NELL1: variants seen among roughly 807,000 people sequenced by gnomAD.
NELL1 encodes neural EGFL like 1.
NELL1 carries 76 observed loss-of-function variants against 107.4 expected under a neutral mutation model. The observed-to-expected ratio is 0.71, with a 90% CI of 0.59 to 0.86. The LOEUF (loss-of-function observed/expected upper bound fraction) is 0.86. NELL1 is among the 40% of genes least tolerant of loss of function. The pLI, the probability that NELL1 is intolerant of heterozygous loss-of-function variation, is 0.00. For missense variants in NELL1, 1,024 were observed against 1,005.5 expected (o/e 1.02, Z -0.25); for synonymous variants, 353 against 341.2 (o/e 1.03, Z -0.38).
At chr11:20,776,968 T>A (rs7928218) in intron 2 of NELL1, among the ~76,000 whole-genome samples, 149,983 of 152,330 alleles carry the variant, frequency 0.98, 73,876 homozygotes, top group East Asian at 1. Flanking sequence ...CTCATAAGGG[T>A]TGTACAAATA....
At chr11:21,337,945 T>G (rs920841194) in intron 14 of NELL1, among the ~76,000 whole-genome samples, 2 of 151,430 alleles carry the variant, frequency 1.3e-5, no homozygotes, top group Non-Finnish European at 1.5e-5. Context: ...ATTTAACAAA[T>G]TATACATCTA....
chr11:20,861,100 GT>G (rs1289099535), intron 4 of NELL1, among the ~76,000 whole-genome samples: 2 of 152,082 alleles, frequency 1.3e-5, no homozygotes, highest in Non-Finnish European at 2.9e-5. Flanking sequence ...CAATGGATGT[GT>G]TTTTCTTTAA....
At chr11:20,687,949 A>T (rs1442356796) in intron 2 of NELL1, among the ~76,000 whole-genome samples, 2 of 152,116 alleles carry the variant, frequency 1.3e-5, no homozygotes, top group African/African-American at 4.8e-5. Context: ...ATTTGTTTTA[A>T]CTAAGTAGTC....
chr11:20,989,519 C>A lies in NELL1; in HGVS notation c.1300+28959C>A, dbSNP rs1046151336. Among the ~76,000 whole-genome samples, 3 of 152,260 alleles carry A rather than the reference C, an allele frequency of 2.0e-5. No individual in the cohort carries two copies. In the South Asian group the frequency reaches 6.2e-4, roughly 32 times the overall value. On this transcript the variant is annotated intron_variant, in intron 12 of 19. Coordinates refer to ENST00000357134, the MANE Select transcript of NELL1 (RefSeq NM_006157.5). ...CTTGACTTTGATTTTCTTTTCAGGTCTTGACCTCATTTCATACTTGACAGC... is the reference window on the plus strand; with the variant it reads ...CTTGACTTTGATTTTCTTTTCAGGTATTGACCTCATTTCATACTTGACAGC...
chr11:21,340,833 A>G (rs1850547742), intron 14 of NELL1, among the ~76,000 whole-genome samples: 1 of 152,158 alleles, frequency 6.6e-6, no homozygotes, highest in South Asian at 2.1e-4. Flanking sequence ...TGACACCTTG[A>G]TCTTAGACTT....
chr11:21,006,399 T>C (rs1852328758), intron 12 of NELL1, among the ~76,000 whole-genome samples: 2 of 152,160 alleles, frequency 1.3e-5, no homozygotes, highest in South Asian at 4.1e-4. Context: ...CTTGGACTTT[T>C]CAGACTCTAG....
intron 5 of NELL1, among the ~76,000 whole-genome samples, chr11:20,905,542 G>A (rs1471488169): frequency 6.6e-6 from 1 of 151,968 alleles, no homozygotes; most frequent in Non-Finnish European, 1.5e-5. Context: ...AATAAGTCAC[G>A]AAAATGATGT....
chr11:21,244,763 C>T (rs749300106), intron 14 of NELL1, among the ~76,000 whole-genome samples: 6 of 152,054 alleles, frequency 3.9e-5, no homozygotes, highest in Non-Finnish European at 7.4e-5. Context: ...AGAGATTGTC[C>T]GTGTTCTACC....
chr11:21,133,357 GC>G (rs1443025415), intron 13 of NELL1, among the ~76,000 whole-genome samples: 1 of 152,118 alleles, frequency 6.6e-6, no homozygotes, highest in Non-Finnish European at 1.5e-5. Context: ...TGACAGCCCA[GC>G]CCCCAGGCTT....
intron 15 of NELL1, among the ~76,000 whole-genome samples, chr11:21,376,757 G>C (rs558427240): frequency 6.6e-6 from 1 of 152,090 alleles, no homozygotes; most frequent in East Asian, 1.9e-4. Flanking sequence ...CCTTGTAGAA[G>C]TATTTCACCT....
chr11:21,496,573 C>T (rs1854986691), intron 15 of NELL1, among the ~76,000 whole-genome samples: 2 of 151,958 alleles, frequency 1.3e-5, no homozygotes, highest in Non-Finnish European at 2.9e-5. Flanking sequence ...CCACCCCCAG[C>T]TAATTTTTTG....
At chr11:21,021,502 C>T (rs1235154901) in intron 12 of NELL1, among the ~76,000 whole-genome samples, 12 of 151,998 alleles carry the variant, frequency 7.9e-5, no homozygotes, top group Admixed American at 3.9e-4. Flanking sequence ...TATCAGAGCA[C>T]GTCTTAGGGA....
At chr11:21,170,706 TA>T (rs368475134) in intron 13 of NELL1, among the ~76,000 whole-genome samples, 5 of 14,464 alleles carry the variant, frequency 3.5e-4, no homozygotes, top group South Asian at 2.7e-3. Flanking sequence ...TATACTGTAT[TA>T]TATATATATA....
intron 12 of NELL1, among the ~76,000 whole-genome samples, chr11:21,106,658 A>G (rs1320017194): frequency 6.6e-6 from 1 of 151,984 alleles, no homozygotes; most frequent in Non-Finnish European, 1.5e-5. Context: ...TTTCTGTGTT[A>G]AGAAAAATAA....
chr11:21,055,695 T>C (rs969132437), intron 12 of NELL1, among the ~76,000 whole-genome samples: 19 of 152,054 alleles, frequency 1.2e-4, no homozygotes. Flanking sequence ...CCAGGAGGGA[T>C]TGGTTAAACA....
chr11:20,977,519 C>G (rs966686010), intron 12 of NELL1, among the ~76,000 whole-genome samples: 4 of 152,136 alleles, frequency 2.6e-5, no homozygotes, highest in Non-Finnish European at 5.9e-5. Flanking sequence ...TCTCCTGGGC[C>G]TCCCAAAATG....
At chr11:21,355,666 G>T (rs1368154602) in intron 14 of NELL1, among the ~76,000 whole-genome samples, 1 of 152,166 alleles carries the variant, frequency 6.6e-6, no homozygotes, top group Admixed American at 6.6e-5. Flanking sequence ...ACAAGGTTAG[G>T]ATTAAATACT....
chr11:21,103,636 A>T (rs1854876772), intron 12 of NELL1, among the ~76,000 whole-genome samples: 1 of 152,184 alleles, frequency 6.6e-6, no homozygotes, highest in Non-Finnish European at 1.5e-5. Flanking sequence ...AGAGATAAAG[A>T]GGATATAGAC....
At chr11:21,403,840 T>C (rs1852157536) in intron 15 of NELL1, among the ~76,000 whole-genome samples, 1 of 150,584 alleles carries the variant, frequency 6.6e-6, no homozygotes, top group African/African-American at 2.5e-5. Flanking sequence ...TCCCCATTTC[T>C]GAGTCCTGTC....
Sources: allele counts gnomAD v4.1 joint callset (sites outside exome capture counted in the v4.1 genomes callset), GRCh38; gene constraint gnomAD v4.1.1; transcripts MANE v1.5; gene names NCBI Gene and HGNC (gene_info 2026-07-23, HGNC 2026-07-21).